The following PCDH15 variants were observed in gnomAD, a reference collection of about 807,000 sequenced individuals.
PCDH15 encodes the protein protocadherin related 15, also known as protocadherin-15.
PCDH15 carries 129 observed loss-of-function variants against 178.5 expected under a neutral mutation model. The ratio of observed to expected loss-of-function variants is 0.72; its 90% CI spans 0.63 to 0.84. PCDH15 has a LOEUF of 0.84. Among genes scored for constraint, PCDH15 ranks in the 40% least tolerant of loss-of-function variants. The pLI, the probability that PCDH15 is intolerant of heterozygous loss-of-function variation, is 0.00. For synonymous variants in PCDH15, 800 were observed against 732.0 expected (o/e 1.09, Z -1.50); for missense variants, 2,230 against 2,099.9 (o/e 1.06, Z -1.21).
At chr10:54,273,256 G>A (rs2058149512) in intron 8 of PCDH15, among the ~76,000 whole-genome samples, 2 of 151,522 alleles carry the variant, frequency 1.3e-5, no homozygotes, top group South Asian at 2.1e-4. Context: ...TAAAAAGGAA[G>A]ACTACTGAAT....
At chr10:54,096,951 A>AT (rs1470459222) in intron 15 of PCDH15, among the ~76,000 whole-genome samples, 1 of 152,200 alleles carries the variant, frequency 6.6e-6, no homozygotes, top group Non-Finnish European at 1.5e-5. Context: ...GCTGTATCTT[A>AT]ATACCTATTC....
At position 54,351,888 on chromosome 10, in the gene PCDH15, G is replaced by C. The variant is rs564560124; in HGVS notation, c.475-5404C>G. 2.0e-5 allele frequency among the ~76,000 whole-genome samples: 3 copies of C among 152,168 alleles called. No individual in the cohort carries two copies. The South Asian group carries it at 6.2e-4, about 32-fold the overall frequency. ...CCATGAATAAACTATAACCATAATA[G>C]GACCCAATACAGCAAGCACATGCAA... On this transcript the variant is annotated intron_variant, in intron 5 of 37. Transcript: ENST00000644397.
At chr10:54,267,433 C>A (rs367770717) in intron 8 of PCDH15, among the ~76,000 whole-genome samples, 32 of 151,684 alleles carry the variant, frequency 2.1e-4, no homozygotes, top group African/African-American at 7.5e-4. Flanking sequence ...GAATGATCGA[C>A]CAACAGCAAG....
intron 2 of PCDH15, among the ~76,000 whole-genome samples, chr10:55,510,880 G>C (rs1179780981): frequency 6.7e-6 from 1 of 149,926 alleles, no homozygotes; most frequent in African/African-American, 2.4e-5. Flanking sequence ...ACACACACTT[G>C]AGATAGGATC....
At chr10:54,317,523 C>A (rs910291560) in intron 7 of PCDH15, 82 bp from the exon 8 acceptor site, 2 of 1,541,652 alleles carry the variant, frequency 1.3e-6, no homozygotes, top group Admixed American at 3.3e-5. Flanking sequence ...ACCTGTAATC[C>A]CAGAACTTTG....
intron 2 of PCDH15, among the ~76,000 whole-genome samples, chr10:55,329,818 A>G (rs1211923531): frequency 6.6e-6 from 1 of 151,728 alleles, no homozygotes; most frequent in Non-Finnish European, 1.5e-5. Flanking sequence ...AGTCCACCTA[A>G]GGATTGGGCA....
intron 2 of PCDH15, among the ~76,000 whole-genome samples, chr10:54,663,702 A>AAC (rs1316124931): frequency 6.6e-6 from 1 of 151,112 alleles, no homozygotes; most frequent in African/African-American, 2.4e-5. Context: ...CAAAAAAAAA[A>AAC]AATAGTGGGG....
chr10:55,560,511 C>T (rs1432852727), intron 2 of PCDH15, among the ~76,000 whole-genome samples: 4 of 151,736 alleles, frequency 2.6e-5, no homozygotes, highest in Admixed American at 6.6e-5. Flanking sequence ...AATTCTGACC[C>T]GTAATTCTAT....
At chr10:55,197,382 T>C (rs1472731946) in intron 1 of PCDH15, among the ~76,000 whole-genome samples, 1 of 152,114 alleles carries the variant, frequency 6.6e-6, no homozygotes, top group African/African-American at 2.4e-5. Context: ...ATCCAGATTT[T>C]GATTAAATTT....
Position 54,317,380 on chromosome 10 carries a change from A to G in PCDH15, c.767T>C (p.Leu256Pro). 6.2e-7 allele frequency: 1 copy of G among 1,614,048 alleles called. No individual in the cohort carries two copies. Among genetic ancestry groups the G allele is most frequent in the Non-Finnish European group, 8.5e-7 (1 of 1,179,940 alleles). The change falls in exon 8 of 38, where the codon CTG (leucine) becomes CCG (proline). Residue 256 changes from leucine to proline, a missense_variant. Coordinates refer to ENST00000644397, the MANE Select transcript of PCDH15 (RefSeq NM_001384140.1). Reference protein sequence around the residue: ...TTTTTLTVDVLDGDDLGPMFL... With the variant: ...TTTTTLTVDVPDGDDLGPMFL... ...CATTGGACCCAAGTCATCTCCATCC[A>G]GAACATCCACTGTGAGAGTGGTGGT...
At chr10:55,307,299 C>T (rs1843452589) in intron 1 of PCDH15, among the ~76,000 whole-genome samples, 1 of 151,722 alleles carries the variant, frequency 6.6e-6, no homozygotes, top group South Asian at 2.1e-4. Context: ...TCAGGAAATC[C>T]AGACCATCCT....
At chr10:55,158,043 G>A (rs1343558274) in intron 2 of PCDH15, among the ~76,000 whole-genome samples, 1 of 139,822 alleles carries the variant, frequency 7.2e-6, no homozygotes. Flanking sequence ...AAACAATTTA[G>A]ATTCAAAATC....
intron 9 of PCDH15, among the ~76,000 whole-genome samples, chr10:54,234,981 T>C (rs2054475506): frequency 6.6e-6 from 1 of 152,184 alleles, no homozygotes; most frequent in Non-Finnish European, 1.5e-5. Flanking sequence ...CTCACTCACT[T>C]CTTTCCAGTA....
chr10:54,117,828 G>C (rs1034689199), intron 15 of PCDH15, among the ~76,000 whole-genome samples: 2 of 152,108 alleles, frequency 1.3e-5, no homozygotes, highest in Non-Finnish European at 2.9e-5. Context: ...CTGCAGGCAA[G>C]TTGTTATGTC....
chr10:53,895,947 C>A (rs1275199204), intron 26 of PCDH15, among the ~76,000 whole-genome samples: 1 of 152,118 alleles, frequency 6.6e-6, no homozygotes, highest in Non-Finnish European at 1.5e-5. Context: ...GTAGACCTAA[C>A]TTTAAATTCC....
chr10:54,046,472 T>C (rs1454936565), intron 18 of PCDH15, among the ~76,000 whole-genome samples: 1 of 152,108 alleles, frequency 6.6e-6, no homozygotes, highest in South Asian at 2.1e-4. Context: ...GGTAGAAATG[T>C]GGCTGAATAG....
At chr10:54,651,974 CA>C (rs11358827) in intron 2 of PCDH15, among the ~76,000 whole-genome samples, 10,499 of 134,664 alleles carry the variant, frequency 0.078, 482 homozygotes, top group Admixed American at 0.11. Context: ...ATTTCAATGA[CA>C]AAAAAAAAAA....
chr10:54,293,825 C>T (rs187786210), intron 8 of PCDH15, among the ~76,000 whole-genome samples: 173 of 152,218 alleles, frequency 1.1e-3, no homozygotes, highest in Non-Finnish European at 2.1e-3. Flanking sequence ...ACAACAGATG[C>T]TGGAGAGGAT....
intron 2 of PCDH15, among the ~76,000 whole-genome samples, chr10:54,997,833 T>C (rs1453032624): frequency 1.3e-5 from 2 of 152,176 alleles, no homozygotes; most frequent in African/African-American, 2.4e-5. Flanking sequence ...TGAATGGTAT[T>C]AGTGCTGGTG....
Sources: gnomAD v4.1 joint callset for allele counts (sites outside exome capture counted in the v4.1 genomes callset) on GRCh38, gnomAD v4.1.1 for gene constraint, MANE v1.5 for transcripts, NCBI Gene and HGNC (gene_info 2026-07-23, HGNC 2026-07-21) for gene names.